Variants in CTNND2 observed in about 807,000 individuals in gnomAD.
CTNND2 encodes the protein catenin delta 2.
CTNND2 carries 22 observed loss-of-function variants against 144.4 expected under a neutral mutation model. That is an observed-to-expected ratio of 0.15 (90% confidence interval 0.11 to 0.22). The LOEUF is 0.22. Among genes scored for constraint, CTNND2 ranks in the 10% least tolerant of loss-of-function variants. The pLI is 1.00. For missense variants in CTNND2, 1,353 were observed against 1,618.8 expected, an observed-to-expected ratio of 0.84 and a Z score of 2.82; for synonymous variants, 751 against 695.6, an observed-to-expected ratio of 1.08 and a Z score of -1.25.
At chr5:11,109,075 A>G (rs139121779) in intron 14 of CTNND2, among the ~76,000 whole-genome samples, 6 of 152,332 alleles carry the variant, frequency 3.9e-5, no homozygotes, top group East Asian at 1.9e-4. Flanking sequence ...GGCAGATGAC[A>G]TGCTGACTGT....
At chr5:11,405,835 T>G (rs1022245041) in intron 5 of CTNND2, among the ~76,000 whole-genome samples, 34 of 152,260 alleles carry the variant, frequency 2.2e-4, no homozygotes, top group Middle Eastern at 3.4e-3. Context: ...ACTTTAGACA[T>G]GGACACCATG....
intron 1 of CTNND2, among the ~76,000 whole-genome samples, chr5:11,825,062 T>C (rs998405239): frequency 1.3e-5 from 2 of 152,258 alleles, no homozygotes; most frequent in African/African-American, 4.8e-5. Context: ...CAGAGGCATA[T>C]AGTATTTACC....
intron 9 of CTNND2, among the ~76,000 whole-genome samples, chr5:11,279,999 T>TA (rs1489608141): frequency 1.5e-4 from 23 of 152,126 alleles, no homozygotes; most frequent in African/African-American, 5.3e-4. Context: ...GATTACAAAT[T>TA]CAACCTGAAA....
Position 11,586,590 on chromosome 5 carries a change from T to C in CTNND2, c.175-21534A>G, listed in dbSNP as rs139533981. On this transcript the variant is annotated intron_variant, in intron 2 of 21. Transcript: ENST00000304623. ...TTTGATCAGACTTATTAGATAGGAT[T>C]TTCCAACTTGGCCATTATCATCACA... 4.4e-3 allele frequency among the ~76,000 whole-genome samples: 672 copies of C among 152,292 alleles called. 2 individuals are homozygous for C. Among genetic ancestry groups the C allele is most frequent in the African/African-American group, 0.016 (644 of 41,546 alleles).
intron 3 of CTNND2, among the ~76,000 whole-genome samples, chr5:11,414,048 C>T (rs2149840772): frequency 6.6e-6 from 1 of 152,134 alleles, no homozygotes; most frequent in Non-Finnish European, 1.5e-5. Flanking sequence ...CAGGTGGGCC[C>T]TAAATCCAAT....
At chr5:11,455,876 G>A (rs1364996500) in intron 3 of CTNND2, among the ~76,000 whole-genome samples, 1 of 152,138 alleles carries the variant, frequency 6.6e-6, no homozygotes, top group South Asian at 2.1e-4. Flanking sequence ...AGGCGCCTTT[G>A]AGAAATAACA....
At chr5:11,753,186 C>T (rs553735346) in intron 1 of CTNND2, among the ~76,000 whole-genome samples, 2 of 151,876 alleles carry the variant, frequency 1.3e-5, no homozygotes, top group South Asian at 4.2e-4. Context: ...TTCCTGATTG[C>T]TCTGGCTAGG....
intron 3 of CTNND2, among the ~76,000 whole-genome samples, chr5:11,506,969 T>A (rs1039369719): frequency 2.6e-5 from 4 of 152,212 alleles, no homozygotes. Context: ...AACCCTTACA[T>A]CGAATTAGTT....
chr5:11,774,630 T>C (rs1331168721), intron 1 of CTNND2, among the ~76,000 whole-genome samples: 3 of 151,702 alleles, frequency 2.0e-5, no homozygotes, highest in East Asian at 3.9e-4. Context: ...GATTACCAGA[T>C]AGTCACATTT....
chr5:11,568,716 T>C (rs1428598216), intron 2 of CTNND2, among the ~76,000 whole-genome samples: 1 of 152,130 alleles, frequency 6.6e-6, no homozygotes, highest in Non-Finnish European at 1.5e-5. Flanking sequence ...GTGGGGTAAA[T>C]GGAAAGATGA....
intron 16 of CTNND2, among the ~76,000 whole-genome samples, chr5:11,044,541 A>ATAC (rs767336244): frequency 0.012 from 1,059 of 88,900 alleles, 11 homozygotes; most frequent in Middle Eastern, 0.031. Flanking sequence ...AAAAAAAAAA[A>ATAC]ATACATATAT....
At chr5:11,390,202 T>C (rs1437074006) in intron 6 of CTNND2, among the ~76,000 whole-genome samples, 1 of 152,230 alleles carries the variant, frequency 6.6e-6, no homozygotes, top group Admixed American at 6.5e-5. Flanking sequence ...TATTTTTGTT[T>C]GTACAGAATA....
At chr5:11,852,209 G>C (rs1324496714) in intron 1 of CTNND2, among the ~76,000 whole-genome samples, 1 of 152,034 alleles carries the variant, frequency 6.6e-6, no homozygotes, top group African/African-American at 2.4e-5. Context: ...GTCACCCAGA[G>C]ACTGACCTCA....
At chr5:11,240,777 GCA>G (rs1438174536) in intron 9 of CTNND2, among the ~76,000 whole-genome samples, 1 of 90,466 alleles carries the variant, frequency 1.1e-5, no homozygotes, top group Non-Finnish European at 2.1e-5. Context: ...AATACATTCA[GCA>G]CACACACCCC....
chr5:11,100,981 A>G (rs548966723), intron 14 of CTNND2, among the ~76,000 whole-genome samples: 8 of 152,320 alleles, frequency 5.3e-5, no homozygotes, highest in South Asian at 2.1e-4. Flanking sequence ...TCATCTATGT[A>G]GCTCTCAAAT....
chr5:11,725,950 G>A (rs991540675), intron 2 of CTNND2, among the ~76,000 whole-genome samples: 7 of 152,070 alleles, frequency 4.6e-5, no homozygotes, highest in Non-Finnish European at 1.0e-4. Flanking sequence ...ATATTCTATG[G>A]GTTAATTTCT....
chr5:11,470,929 T>C (rs1351130550), intron 3 of CTNND2, among the ~76,000 whole-genome samples: 1 of 140,758 alleles, frequency 7.1e-6, no homozygotes, highest in Non-Finnish European at 1.5e-5. Flanking sequence ...TAAGTCCTTT[T>C]ACTTTAGCTA....
At chr5:11,316,742 T>C (rs1056363916) in intron 9 of CTNND2, among the ~76,000 whole-genome samples, 1 of 150,926 alleles carries the variant, frequency 6.6e-6, no homozygotes, top group Non-Finnish European at 1.5e-5. Flanking sequence ...ACATGCAGTG[T>C]TTGGTTTTTT....
At chr5:11,075,542 G>A (rs916305140) in intron 16 of CTNND2, among the ~76,000 whole-genome samples, 1 of 152,222 alleles carries the variant, frequency 6.6e-6, no homozygotes, top group Non-Finnish European at 1.5e-5. Flanking sequence ...CGGAGGATAG[G>A]TCCTTCTCTT....
Sources: allele counts gnomAD v4.1 joint callset (sites outside exome capture counted in the v4.1 genomes callset), GRCh38; gene constraint gnomAD v4.1.1; transcripts MANE v1.5; gene names NCBI Gene and HGNC (gene_info 2026-07-23, HGNC 2026-07-21).